The following DPP10 variants were observed in gnomAD, a reference collection of about 807,000 sequenced individuals.
DPP10 encodes the protein inactive dipeptidyl peptidase 10.
A neutral mutation model predicts 120.9 loss-of-function variants in DPP10; 33 were observed. That is an observed-to-expected ratio of 0.27 (90% CI 0.21 to 0.37). DPP10 has a LOEUF of 0.37. DPP10 is among the 10% of genes least tolerant of loss of function. The pLI is 1.00. For synonymous variants in DPP10, 337 were observed against 326.1 expected (o/e 1.03, Z -0.36); for missense variants, 816 against 942.8 (o/e 0.87, Z 1.76).
chr2:115,744,541 T>G (rs916808693), intron 9 of DPP10, among the ~76,000 whole-genome samples: 2 of 150,258 alleles, frequency 1.3e-5, no homozygotes, highest in Admixed American at 1.4e-4. Context: ...AGGAAGCCCT[T>G]TACTCTATGA....
intron 5 of DPP10, among the ~76,000 whole-genome samples, chr2:115,554,001 T>TCACACACACACA (rs71881888): frequency 1.3e-4 from 17 of 135,590 alleles, no homozygotes; most frequent in African/African-American, 3.0e-4. Context: ...TCTCTCTCTT[T>TCACACACACACA]CACACACACA....
intron 1 of DPP10, among the ~76,000 whole-genome samples, chr2:114,768,757 G>A (rs1362243518): frequency 1.3e-5 from 2 of 152,152 alleles, no homozygotes; most frequent in African/African-American, 4.8e-5. Flanking sequence ...ACAGGATAAT[G>A]CAAGTGTTCC....
At chr2:114,967,339 G>A (rs566834243) in intron 1 of DPP10, among the ~76,000 whole-genome samples, 4 of 152,288 alleles carry the variant, frequency 2.6e-5, no homozygotes, top group Admixed American at 2.6e-4. Context: ...CTGCTCTGTG[G>A]AAGCAGGAAG....
At position 115,637,551 on chromosome 2, in the gene DPP10, G is replaced by T. The variant is rs568831025; in HGVS notation, c.442-52136G>T. Among the ~76,000 whole-genome samples, 3 of 152,102 alleles carry T rather than the reference G, an allele frequency of 2.0e-5. No homozygotes were observed. In the South Asian group the frequency reaches 6.2e-4, roughly 32 times the overall value. On this transcript the variant is annotated intron_variant, in intron 5 of 25. Transcript: ENST00000410059. Reference sequence around the variant, plus strand: ...GTGACAGAATAAAGATTGAGGAATAGGTAAACCAATGAAATATATTGTTAG... The same window carrying T: ...GTGACAGAATAAAGATTGAGGAATATGTAAACCAATGAAATATATTGTTAG...
chr2:115,646,562 T>G (rs2087278474), intron 5 of DPP10, among the ~76,000 whole-genome samples: 1 of 152,114 alleles, frequency 6.6e-6, no homozygotes. Flanking sequence ...TAGCAAACAT[T>G]TAGTTATTTC....
intron 1 of DPP10, among the ~76,000 whole-genome samples, chr2:114,936,443 A>G (rs547787698): frequency 4.6e-5 from 7 of 151,648 alleles, no homozygotes; most frequent in Non-Finnish European, 8.8e-5. Context: ...ACACATATAT[A>G]CGCACATATA....
intron 5 of DPP10, among the ~76,000 whole-genome samples, chr2:115,679,481 C>A (rs763964820): frequency 3.9e-5 from 6 of 152,126 alleles, no homozygotes; most frequent in African/African-American, 1.4e-4. Context: ...TTTCCTGAGG[C>A]CTTCCCAGCC....
At chr2:115,744,464 T>G (rs1677694955) in intron 9 of DPP10, among the ~76,000 whole-genome samples, 1 of 150,104 alleles carries the variant, frequency 6.7e-6, no homozygotes, top group Non-Finnish European at 1.5e-5. Context: ...GGCTTGGGAG[T>G]AATGAAAAGA....
chr2:115,569,321 G>A (rs1463826039), intron 5 of DPP10, among the ~76,000 whole-genome samples: 1 of 152,118 alleles, frequency 6.6e-6, no homozygotes, highest in Non-Finnish European at 1.5e-5. Context: ...GCTTTAAAAA[G>A]ACAAAAGTTT....
At chr2:114,631,357 CG>C (rs1304165001) in intron 1 of DPP10, among the ~76,000 whole-genome samples, 7 of 152,042 alleles carry the variant, frequency 4.6e-5, no homozygotes, top group Non-Finnish European at 8.8e-5. Context: ...CTGCAGGCCA[CG>C]TTCCCCTGCT....
intron 1 of DPP10, among the ~76,000 whole-genome samples, chr2:115,212,261 C>G (rs537813062): frequency 1.3e-5 from 2 of 152,118 alleles, no homozygotes; most frequent in Non-Finnish European, 2.9e-5. Flanking sequence ...ATTACAGACT[C>G]TTTTGAAGAT....
chr2:115,014,177 G>A (rs1212410318), intron 1 of DPP10, among the ~76,000 whole-genome samples: 12 of 151,982 alleles, frequency 7.9e-5, no homozygotes, highest in South Asian at 2.1e-4. Context: ...ATTAGAACTC[G>A]AGATTAAGAA....
intron 1 of DPP10, among the ~76,000 whole-genome samples, chr2:114,601,191 G>C (rs998560098): frequency 6.6e-6 from 1 of 151,680 alleles, no homozygotes; most frequent in Non-Finnish European, 1.5e-5. Flanking sequence ...CGTTGTAATG[G>C]GTGGGCACAT....
intron 17 of DPP10, among the ~76,000 whole-genome samples, chr2:115,785,871 G>A (rs1425516694): frequency 6.7e-6 from 1 of 150,290 alleles, no homozygotes; most frequent in Non-Finnish European, 1.5e-5. Context: ...GTAGCTTTGG[G>A]ATTGATTTGC....
intron 1 of DPP10, chr2:114,462,130 C>G (rs1337553880): frequency 1.0e-6 from 1 of 985,130 alleles, no homozygotes; most frequent in African/African-American, 1.7e-5. Flanking sequence ...AACATTATCC[C>G]GTAACACCAG....
intron 1 of DPP10, among the ~76,000 whole-genome samples, chr2:114,926,114 G>A (rs1695601208): frequency 6.6e-6 from 1 of 152,186 alleles, no homozygotes; most frequent in African/African-American, 2.4e-5. Flanking sequence ...GAGGCAGAAA[G>A]CTCAGGAATA....
At chr2:115,823,992 G>T (rs144243278) in intron 21 of DPP10, among the ~76,000 whole-genome samples, 4 of 152,044 alleles carry the variant, frequency 2.6e-5, no homozygotes, top group Non-Finnish European at 4.4e-5. Context: ...TGAATTTCCA[G>T]GTTCTGCTTT....
At chr2:115,713,699 A>T (rs1443301819) in intron 7 of DPP10, among the ~76,000 whole-genome samples, 1 of 152,218 alleles carries the variant, frequency 6.6e-6, no homozygotes, top group African/African-American at 2.4e-5. Flanking sequence ...GACTGTGCAG[A>T]TAACTTAGAA....
intron 12 of DPP10, among the ~76,000 whole-genome samples, chr2:115,766,249 T>G (rs1405116373): frequency 6.7e-6 from 1 of 149,152 alleles, no homozygotes; most frequent in Non-Finnish European, 1.5e-5. Context: ...AATAGATGAA[T>G]GTATGGATAC....
Sources: allele counts gnomAD v4.1 joint callset (sites outside exome capture counted in the v4.1 genomes callset), GRCh38; gene constraint gnomAD v4.1.1; transcripts MANE v1.5; gene names NCBI Gene and HGNC (gene_info 2026-07-23, HGNC 2026-07-21).